MAPK4: variants seen among roughly 807,000 people sequenced by gnomAD.
The protein encoded by MAPK4 is mitogen-activated protein kinase 4, also known as Erk3-related.
Under a neutral mutation model 47.7 loss-of-function variants are expected in MAPK4, and 22 were observed. That is an observed-to-expected ratio of 0.46 (90% confidence interval 0.33 to 0.66). The LOEUF (loss-of-function observed/expected upper bound fraction) is 0.66. MAPK4 is among the 30% of genes least tolerant of loss of function. MAPK4 has a pLI of 0.02. For missense variants in MAPK4, 736 were observed against 831.7 expected, an observed-to-expected ratio of 0.88 and a Z score of 1.42; for synonymous variants, 390 against 365.7, an observed-to-expected ratio of 1.07 and a Z score of -0.76.
chr18:50,700,138 T>G (rs1909710355), intron 2 of MAPK4, among the ~76,000 whole-genome samples: 5 of 152,182 alleles, frequency 3.3e-5, no homozygotes. Context: ...AGCCCAAGCC[T>G]TCTAATCACA....
intron 2 of MAPK4, among the ~76,000 whole-genome samples, chr18:50,689,750 GTTC>G (rs1227555528): frequency 1.3e-5 from 2 of 152,138 alleles, no homozygotes; most frequent in African/African-American, 4.8e-5. Flanking sequence ...AAGGGGGGCT[GTTC>G]TTCTTGAAGA....
chr18:50,625,814 G>T (rs1413752920), intron 1 of MAPK4, among the ~76,000 whole-genome samples: 1 of 151,584 alleles, frequency 6.6e-6, no homozygotes, highest in South Asian at 2.1e-4. Flanking sequence ...AGGAGTTCTT[G>T]GCTTAAGTGT....
intron 1 of MAPK4, among the ~76,000 whole-genome samples, chr18:50,607,229 C>T (rs1186980129): frequency 6.6e-6 from 1 of 152,174 alleles, no homozygotes; most frequent in Non-Finnish European, 1.5e-5. Flanking sequence ...ATAATTCCTT[C>T]TCACAACCAC....
At chr18:50,603,363 A>T (rs760343895) in intron 1 of MAPK4, among the ~76,000 whole-genome samples, 1 of 152,184 alleles carries the variant, frequency 6.6e-6, no homozygotes, top group Admixed American at 6.5e-5. Context: ...TGGTTAAGGG[A>T]CATCCACATC....
At chr18:50,700,412 A>G (rs556114179) in intron 2 of MAPK4, among the ~76,000 whole-genome samples, 13 of 152,376 alleles carry the variant, frequency 8.5e-5, no homozygotes, top group African/African-American at 3.1e-4. Flanking sequence ...ATACACTGGA[A>G]TACTCTACAA....
rs1382166316 is a variant in MAPK4 at position 50,664,246 on chromosome 18, CA to C, written c.290del (p.Lys97SerfsTer54). On this transcript the variant is annotated frameshift_variant, in exon 2 of 6. Coordinates refer to ENST00000400384, the MANE Select transcript of MAPK4 (RefSeq NM_002747.4). LOFTEE classifies it high-confidence loss of function. The surrounding 1 kb of genome is among the most constrained non-coding windows in gnomAD (Gnocchi z 6.0). The part of the protein sequence containing the change: ...KGTDLQGELF[K>X]FSVAYIVQEY... ...GCACTGACCTGCAGGGTGAGCTGTT[CA>C]AGTTCAGCGTGGCGTACATCGTCCA... 4 of 1,613,850 alleles carry C rather than the reference CA, an allele frequency of 2.5e-6. No homozygotes were observed. The highest frequency in any genetic ancestry group is 3.4e-6 in the Non-Finnish European group (4 of 1,180,014).
Position 50,678,734 on chromosome 18 carries a change from A to G in MAPK4, c.546+14230A>G, listed in dbSNP as rs1908415697. ...TCTTATTCTTGCTTTCTTCTCTTCC[A>G]AGATAACACGTTTGCCCTCTGCTGT... On this transcript the variant is annotated intron_variant, in intron 2 of 5. Transcript: ENST00000400384. The surrounding 1 kb of genome is among the most constrained non-coding windows in gnomAD (Gnocchi z 4.2). Among the ~76,000 whole-genome samples the G allele has an allele frequency of 6.6e-6, 1 of 152,104 alleles. No individual in the cohort carries two copies. The highest frequency in any genetic ancestry group is 6.5e-5 in the Admixed American group (1 of 15,276).
intron 1 of MAPK4, among the ~76,000 whole-genome samples, chr18:50,567,739 T>C (rs930702488): frequency 4.9e-4 from 74 of 151,986 alleles, no homozygotes; most frequent in African/African-American, 1.6e-3. Flanking sequence ...TTTGTGTGTG[T>C]GTGTGTGTGT....
chr18:50,681,599 T>C (rs1351343386), intron 2 of MAPK4, among the ~76,000 whole-genome samples: 3 of 152,242 alleles, frequency 2.0e-5, no homozygotes, highest in South Asian at 2.1e-4. Context: ...TTTTTATACA[T>C]TGTATGAGAT....
At chr18:50,571,514 A>G (rs2042250123) in intron 1 of MAPK4, among the ~76,000 whole-genome samples, 1 of 152,244 alleles carries the variant, frequency 6.6e-6, no homozygotes, top group South Asian at 2.1e-4. Flanking sequence ...ATGACATTTG[A>G]AAACTTTCAG....
chr18:50,580,226 G>A (rs533892834), intron 1 of MAPK4, among the ~76,000 whole-genome samples: 1 of 152,318 alleles, frequency 6.6e-6, no homozygotes, highest in East Asian at 1.9e-4. Flanking sequence ...GAAGACCAGT[G>A]TTGGCAAACG....
chr18:50,588,722 T>G (rs997584984), intron 1 of MAPK4, among the ~76,000 whole-genome samples: 1 of 152,098 alleles, frequency 6.6e-6, no homozygotes, highest in Non-Finnish European at 1.5e-5. Flanking sequence ...GCCCAGCTAA[T>G]TTTTTGTATT....
intron 2 of MAPK4, among the ~76,000 whole-genome samples, chr18:50,684,728 G>A (rs1392359020): frequency 6.6e-6 from 1 of 152,012 alleles, no homozygotes; most frequent in Admixed American, 6.6e-5. Flanking sequence ...AGGTCAGATT[G>A]CTCCAACCAC....
At chr18:50,670,990 A>G (rs1907915922) in intron 2 of MAPK4, among the ~76,000 whole-genome samples, 1 of 152,262 alleles carries the variant, frequency 6.6e-6, no homozygotes, top group Admixed American at 6.5e-5. Context: ...TGCTTATCTC[A>G]GGACAGAAAG....
chr18:50,563,013 A>G (rs1032744541), intron 1 of MAPK4, among the ~76,000 whole-genome samples: 1 of 152,172 alleles, frequency 6.6e-6, no homozygotes, highest in South Asian at 2.1e-4. Flanking sequence ...GCTTCTTGGT[A>G]CAATGATTTT....
chr18:50,632,398 T>G (rs2042839127), intron 1 of MAPK4, among the ~76,000 whole-genome samples: 1 of 152,150 alleles, frequency 6.6e-6, no homozygotes, highest in Non-Finnish European at 1.5e-5. Flanking sequence ...AATCTGTCAT[T>G]CCAGTGCCCG....
chr18:50,614,802 T>G (rs1399161799), intron 1 of MAPK4, among the ~76,000 whole-genome samples: 1 of 152,212 alleles, frequency 6.6e-6, no homozygotes, highest in African/African-American at 2.4e-5. Context: ...GTGGTACTGG[T>G]AGAATCAAGA....
In MAPK4 at chr18:50,726,059, C is replaced by T. The variant is rs760939632; in HGVS notation, c.951C>T (p.Cys317=). Residue 317 remains cysteine, a synonymous_variant, in exon 5 of 6, where the codon TGC becomes TGT. Transcript: ENST00000400384. ...ACCCCTACATGAGCCCATACTCGTG[C>T]CCTGAGGACGAGCCCACCTCACAAC... The part of the protein sequence containing the change: ...LQHPYMSPYS[C]PEDEPTSQHP... The T allele has an allele frequency of 5.3e-5, 86 of 1,614,022 alleles. No homozygotes were observed. Among genetic ancestry groups the T allele is most frequent in the Non-Finnish European group, 7.0e-5 (83 of 1,180,026 alleles).
rs1156837141 is a variant in MAPK4 at position 50,577,600 on chromosome 18, TTGTGCACCAGGGTTACCC to T, written c.-871+17363_-871+17380del. 5.9e-5 allele frequency among the ~76,000 whole-genome samples: 9 copies of T among 152,316 alleles called. No individual in the cohort carries two copies. In the East Asian group the frequency reaches 1.7e-3, roughly 29 times the overall value. On this transcript the variant is annotated intron_variant, in intron 1 of 5. Transcript: ENST00000400384. ...CAGGATTACCTTGTGCAGGGTTACCTTGTGCACCAGGGTTACCCTGTGCTCAATAAAAATGGGAACACA... is the reference window on the plus strand; with the variant it reads ...CAGGATTACCTTGTGCAGGGTTACCTTGTGCTCAATAAAAATGGGAACACA...
Sources: allele counts gnomAD v4.1 joint callset (sites outside exome capture counted in the v4.1 genomes callset), GRCh38; gene constraint gnomAD v4.1.1; non-coding constraint Gnocchi (gnomAD v3.1); transcripts MANE v1.5; gene names NCBI Gene and HGNC (gene_info 2026-07-23, HGNC 2026-07-21).